The following ZC3H12B variants were observed in gnomAD, a reference collection of about 807,000 sequenced individuals.
The protein encoded by ZC3H12B is zinc finger CCCH-type containing 12B, also known as probable ribonuclease ZC3H12B.
Under a neutral mutation model 43.9 loss-of-function variants are expected in ZC3H12B, and 7 were observed. The observed-to-expected ratio is 0.16, with a 90% CI of 0.09 to 0.30. ZC3H12B has a LOEUF of 0.30. ZC3H12B is among the 10% of genes least tolerant of loss of function. The pLI is 1.00. For synonymous variants in ZC3H12B, 222 were observed against 241.7 expected, an observed-to-expected ratio of 0.92 and a Z score of 0.76; for missense variants, 475 against 670.2, an observed-to-expected ratio of 0.71 and a Z score of 3.22.
the ZC3H12B span, among the ~76,000 whole-genome samples, chrX:65,153,415 C>G: frequency 1.8e-5 from 2 of 111,813 alleles, no homozygotes; most frequent in African/African-American, 3.3e-5. Context: ...AAAAAGTGGG[C>G]GAAAGACATG....
chrX:65,343,776 G>A, the ZC3H12B span, among the ~76,000 whole-genome samples: 1 of 111,875 alleles, frequency 8.9e-6, no homozygotes, highest in Non-Finnish European at 1.9e-5. Flanking sequence ...AGACAAGGAT[G>A]CCCTCTGTCA....
chrX:65,379,015 G>A (rs2066393277), intron 2 of ZC3H12B, among the ~76,000 whole-genome samples: 2 of 112,367 alleles, frequency 1.8e-5, no homozygotes, highest in South Asian at 7.4e-4. Context: ...CTGCAAGGCA[G>A]CAGCGAGGCT....
chrX:65,432,240 C>A (rs1439486666), intron 3 of ZC3H12B, among the ~76,000 whole-genome samples: 2 of 111,482 alleles, frequency 1.8e-5, no homozygotes, highest in African/African-American at 6.5e-5. Flanking sequence ...TAAGATAATA[C>A]TCCATTCATG....
chrX:65,442,111 G>A (rs1164575563), intron 3 of ZC3H12B, among the ~76,000 whole-genome samples: 1 of 107,094 alleles, frequency 9.3e-6, no homozygotes, highest in Non-Finnish European at 1.9e-5. Flanking sequence ...CCAGGAAATG[G>A]AGTATTTCCT....
the ZC3H12B span, among the ~76,000 whole-genome samples, chrX:65,136,617 G>C: frequency 9.0e-6 from 1 of 111,097 alleles, no homozygotes; most frequent in Admixed American, 9.6e-5. Flanking sequence ...GCAGGCTTTT[G>C]TTGAGACTTT....
the ZC3H12B span, among the ~76,000 whole-genome samples, chrX:65,176,529 A>G: frequency 9.0e-6 from 1 of 111,614 alleles, no homozygotes; most frequent in Non-Finnish European, 1.9e-5. Flanking sequence ...ACAGCACTGG[A>G]GCTCTGCTAA....
chrX:65,123,491 A>T, the ZC3H12B span, among the ~76,000 whole-genome samples: 1 of 110,182 alleles, frequency 9.1e-6, no homozygotes, highest in Non-Finnish European at 1.9e-5. Context: ...TTTGAATACC[A>T]TGTTTTTTTT....
At chrX:65,454,677 C>T (rs762192935) in intron 3 of ZC3H12B, among the ~76,000 whole-genome samples, 40 of 111,993 alleles carry the variant, frequency 3.6e-4, no homozygotes, top group South Asian at 1.5e-3. Flanking sequence ...GACGGACTGC[C>T]TCCTCAAGTT....
At chrX:65,106,608 G>A in the ZC3H12B span, among the ~76,000 whole-genome samples, 5 of 110,800 alleles carry the variant, frequency 4.5e-5, no homozygotes, top group South Asian at 3.8e-4. Context: ...AAACCATTTC[G>A]TATTGGTTCT....
At chrX:65,074,075 G>A in the ZC3H12B span, among the ~76,000 whole-genome samples, 1 of 111,710 alleles carries the variant, frequency 9.0e-6, no homozygotes. Flanking sequence ...TTTAGCAGTG[G>A]AGGTTTTATT....
the ZC3H12B span, among the ~76,000 whole-genome samples, chrX:65,094,259 TC>T: frequency 1.1e-5 from 1 of 89,648 alleles, no homozygotes; most frequent in Admixed American, 1.1e-4. Context: ...CAATTAAGCC[TC>T]TTTTTTTTTT....
the ZC3H12B span, among the ~76,000 whole-genome samples, chrX:65,335,027 TA>T: frequency 9.0e-6 from 1 of 111,581 alleles, no homozygotes; most frequent in Non-Finnish European, 1.9e-5. Context: ...TATTCCCTCA[TA>T]ACTGCCATAA....
chrX:65,214,270 C>T, the ZC3H12B span, among the ~76,000 whole-genome samples: 1 of 111,250 alleles, frequency 9.0e-6, no homozygotes, highest in African/African-American at 3.3e-5. Context: ...CATCAATGGA[C>T]TTTTCTTTTC....
intron 2 of ZC3H12B, among the ~76,000 whole-genome samples, chrX:65,377,088 T>A (rs1396962446): frequency 1.8e-5 from 2 of 109,171 alleles, no homozygotes; most frequent in Non-Finnish European, 3.8e-5. Context: ...AAGAATCAAG[T>A]AGAAATCCTG....
chrX:65,313,513 A>T, the ZC3H12B span, among the ~76,000 whole-genome samples: 1 of 111,986 alleles, frequency 8.9e-6, no homozygotes, highest in Admixed American at 9.5e-5. Context: ...TAAGAACTGA[A>T]CTATAATGTA....
chrX:65,118,077 A>T, the ZC3H12B span, among the ~76,000 whole-genome samples: 1 of 111,528 alleles, frequency 9.0e-6, no homozygotes, highest in Non-Finnish European at 1.9e-5. Context: ...GCTTTAAAGT[A>T]GTTTTTTCCA....
At chrX:65,122,899 C>A in the ZC3H12B span, among the ~76,000 whole-genome samples, 2 of 111,439 alleles carry the variant, frequency 1.8e-5, no homozygotes, top group Non-Finnish European at 3.8e-5. Flanking sequence ...TCCTTAGAGA[C>A]CTACAAAGAG....
At chrX:65,465,287 T>C (rs1280784358) in intron 3 of ZC3H12B, among the ~76,000 whole-genome samples, 1 of 111,755 alleles carries the variant, frequency 8.9e-6, no homozygotes, top group African/African-American at 3.2e-5. Context: ...GCTGTGTTAC[T>C]AGGTACATAT....
chrX:65,472,824 T>TGA (rs1295913183), intron 3 of ZC3H12B, among the ~76,000 whole-genome samples: 11 of 43,179 alleles, frequency 2.5e-4, no homozygotes, highest in Admixed American at 1.4e-3. Context: ...ACCATACCTT[T>TGA]GATATATATA....
Sources: allele counts gnomAD v4.1 joint callset (sites outside exome capture counted in the v4.1 genomes callset), GRCh38; gene constraint gnomAD v4.1.1; transcripts MANE v1.5; gene names NCBI Gene and HGNC (gene_info 2026-07-23, HGNC 2026-07-21).